The following PCDHGB1 variants were observed in gnomAD, a reference collection of about 807,000 sequenced individuals.
PCDHGB1 encodes the protein protocadherin gamma-B1.
Under a neutral mutation model 56.6 loss-of-function variants are expected in PCDHGB1, and 34 were observed. The observed-to-expected ratio is 0.60, with a 90% CI of 0.46 to 0.80. The LOEUF (loss-of-function observed/expected upper bound fraction) is 0.80, where lower values mean the gene tolerates loss of function less well. PCDHGB1 is among the 30% of genes least tolerant of loss of function. The pLI is 0.00. For missense variants in PCDHGB1, 1,278 were observed against 1,204.6 expected (o/e 1.06, Z -0.90); for synonymous variants, 561 against 505.9 (o/e 1.11, Z -1.46).
intron 1 of PCDHGB1, chr5:141,393,960 G>T: frequency 6.2e-7 from 1 of 1,613,944 alleles, no homozygotes; most frequent in South Asian, 1.1e-5. Context: ...TGGTCAAGTT[G>T]TCTGTTACAC....
At chr5:141,420,256 TAAG>T (rs749213635) in intron 1 of PCDHGB1, 12 of 1,569,010 alleles carry the variant, frequency 7.6e-6, no homozygotes, top group South Asian at 1.2e-5. Context: ...TTGAAGCAGA[TAAG>T]AAGATTCTTA....
At chr5:141,393,171 G>C (rs768471669) in intron 1 of PCDHGB1, 10 of 1,613,150 alleles carry the variant, frequency 6.2e-6, no homozygotes, top group Admixed American at 1.7e-5. Context: ...CTTTGGGGTA[G>C]AAATAGAAAT....
rs11575954 is a variant in PCDHGB1 at position 141,376,006 on chromosome 5, C to A, written c.2409+23337C>A. 8.7e-3 allele frequency: 14,039 copies of A among 1,613,452 alleles called. 99 individuals carry two copies. Among genetic ancestry groups the A allele is most frequent in the Middle Eastern group, 0.011 (63 of 5,814 alleles). ...TGGACAGAGACGCGCTCAAGCAGAGCCTAGTGGTGGCCGTCCAGGACCACG... is the reference window on the plus strand; with the variant it reads ...TGGACAGAGACGCGCTCAAGCAGAGACTAGTGGTGGCCGTCCAGGACCACG... On this transcript the variant is annotated intron_variant, in intron 1 of 3. Transcript: ENST00000523390.
intron 1 of PCDHGB1, chr5:141,397,962 A>G (rs968992832): frequency 2.0e-5 from 21 of 1,036,912 alleles, no homozygotes; most frequent in Non-Finnish European, 2.8e-5. Flanking sequence ...CCCAGCTCAG[A>G]CTCCCCAGCG....
intron 1 of PCDHGB1, chr5:141,382,848 A>G (rs543706507): frequency 5.5e-4 from 813 of 1,490,648 alleles, no homozygotes; most frequent in Non-Finnish European, 6.7e-4. Flanking sequence ...ATACACCCGC[A>G]TTCTGAAGCA....
chr5:141,367,935 G>A (rs951282993), intron 1 of PCDHGB1, among the ~76,000 whole-genome samples: 2 of 152,044 alleles, frequency 1.3e-5, no homozygotes, highest in African/African-American at 4.8e-5. Flanking sequence ...CTTAAAGATG[G>A]TTCAAAATTT....
At chr5:141,370,837 C>T in intron 1 of PCDHGB1, 1 of 1,614,004 alleles carries the variant, frequency 6.2e-7, no homozygotes, top group Non-Finnish European at 8.5e-7. Flanking sequence ...CTGGCTCTCA[C>T]TGGAGCCACA....
At position 141,384,937 on chromosome 5, in the gene PCDHGB1, C is replaced by T. The variant is rs373048330; in HGVS notation, c.2409+32268C>T. ...CTTGGCCGACCTGGGCAGCCTTGAG[C>T]CCTCCGACGGTCCTTACAACTATGA... On this transcript the variant is annotated intron_variant, in intron 1 of 3. Coordinates refer to ENST00000523390, the MANE Select transcript of PCDHGB1 (RefSeq NM_018922.3). 4.5e-5 allele frequency: 72 copies of T among 1,613,950 alleles called. No homozygotes were observed. The highest frequency in any genetic ancestry group is 2.3e-4 in the Admixed American group (14 of 60,012).
At chr5:141,382,271 A>T (rs1445188092) in intron 1 of PCDHGB1, among the ~76,000 whole-genome samples, 1 of 152,214 alleles carries the variant, frequency 6.6e-6, no homozygotes, top group East Asian at 1.9e-4. Context: ...TCTAGAACAT[A>T]TGTGTTCAAT....
In PCDHGB1 at chr5:141,490,795, C is replaced by A; in HGVS notation, c.2410-4012C>A. The A allele has an allele frequency of 1.3e-5, 21 of 1,614,036 alleles. No homozygotes were observed. Among genetic ancestry groups the A allele is most frequent in the Non-Finnish European group, 1.8e-5 (21 of 1,179,922 alleles). On this transcript the variant is annotated intron_variant, in intron 1 of 3. Coordinates refer to ENST00000523390, the MANE Select transcript of PCDHGB1 (RefSeq NM_018922.3). This position sits in a 1 kb window ranked among gnomAD's most constrained non-coding sequence, Gnocchi z 5.4. ...CCCAGAGGATGGACGGATCTTTGCC[C>A]AGCGTACCTTTGACTATGAATTGCT...
chr5:141,389,457 G>A, intron 1 of PCDHGB1: 1 of 1,613,220 alleles, frequency 6.2e-7, no homozygotes, highest in Non-Finnish European at 8.5e-7. Context: ...GCAGCTGCGC[G>A]CCTTCGAACT....
intron 1 of PCDHGB1, among the ~76,000 whole-genome samples, chr5:141,479,909 A>G (rs2099509651): frequency 6.6e-6 from 1 of 152,160 alleles, no homozygotes; most frequent in South Asian, 2.1e-4. Context: ...AAACACTGTT[A>G]TTTTGTTACT....
chr5:141,465,759 A>G (rs2099108647), intron 1 of PCDHGB1, among the ~76,000 whole-genome samples: 2 of 151,280 alleles, frequency 1.3e-5, no homozygotes, highest in South Asian at 4.2e-4. Context: ...TGGTAAAGTC[A>G]TGTTTCATCT....
chr5:141,395,643 T>A (rs2150633577), intron 1 of PCDHGB1: 1 of 171,018 alleles, frequency 5.8e-6, no homozygotes, highest in East Asian at 1.7e-4. Flanking sequence ...GCCTTGTTAT[T>A]AGCTTAGCAA....
chr5:141,458,059 T>G (rs533147047), intron 1 of PCDHGB1, among the ~76,000 whole-genome samples: 39 of 152,358 alleles, frequency 2.6e-4, no homozygotes, highest in African/African-American at 8.9e-4. Context: ...CTTGCTGCAC[T>G]GATGCGAACA....
intron 1 of PCDHGB1, chr5:141,356,010 T>C: frequency 6.2e-7 from 1 of 1,613,914 alleles, no homozygotes; most frequent in Non-Finnish European, 8.5e-7. Flanking sequence ...CTGATCCAGA[T>C]GAAGGAGCCA....
At chr5:141,410,260 T>C in intron 1 of PCDHGB1, 1 of 1,614,054 alleles carries the variant, frequency 6.2e-7, no homozygotes, top group Non-Finnish European at 8.5e-7. Context: ...ACCCCCAGGC[T>C]GAACTGCAGT....
rs767719494 is a variant in PCDHGB1 at position 141,491,200 on chromosome 5, C to T, written c.2410-3607C>T. On this transcript the variant is annotated intron_variant, in intron 1 of 3. Coordinates refer to ENST00000523390, the MANE Select transcript of PCDHGB1 (RefSeq NM_018922.3). This position sits in a 1 kb window ranked among gnomAD's most constrained non-coding sequence, Gnocchi z 6.9. The stretch of plus-strand genomic sequence containing the variant: ...GGTCCTGGTGAGGGACAATGGTGAC[C>T]CTTCACTCTCCTCCACAGCCACAGT... 4 of 1,614,158 alleles carry T rather than the reference C, an allele frequency of 2.5e-6. No individual in the cohort carries two copies. The highest frequency in any genetic ancestry group is 3.4e-6 in the Non-Finnish European group (4 of 1,180,000).
At chr5:141,440,165 A>G (rs935524872) in intron 1 of PCDHGB1, 2 of 152,300 alleles carry the variant, frequency 1.3e-5, no homozygotes, top group African/African-American at 4.8e-5. Flanking sequence ...AGCTTGGGCC[A>G]TAACGCTTTG....
Sources: gnomAD v4.1 joint callset for allele counts (sites outside exome capture counted in the v4.1 genomes callset) on GRCh38, gnomAD v4.1.1 for gene constraint, Gnocchi (gnomAD v3.1) non-coding constraint, MANE v1.5 for transcripts, NCBI Gene and HGNC (gene_info 2026-07-23, HGNC 2026-07-21) for gene names.